RRP1: variants seen among roughly 807,000 people sequenced by gnomAD.
RRP1 encodes ribosomal RNA processing protein 1 homolog A.
In RRP1, 37 loss-of-function variants were observed where a neutral mutation model predicts 54.6. That is an observed-to-expected ratio of 0.68 (90% CI 0.52 to 0.89). The LOEUF is 0.89. RRP1 is among the 40% of genes least tolerant of loss of function. The pLI is 0.00. For missense variants in RRP1, 639 were observed against 612.5 expected (o/e 1.04, Z -0.46); for synonymous variants, 262 against 244.3 (o/e 1.07, Z -0.67).
chr21:43,801,603 G>T (rs773318701), intron 11 of RRP1, among the ~76,000 whole-genome samples: 4 of 152,150 alleles, frequency 2.6e-5, no homozygotes, highest in Non-Finnish European at 4.4e-5. Context: ...CCTCCCAGTC[G>T]CTGGGACCAC....
chr21:43,789,779 G>A lies in RRP1; in HGVS notation c.133+17G>A. Reference sequence around the variant, plus strand: ...GGGCCGCAGGTTGGCGGGGGTGTGGGCGGCTGGCGTCTCGGGGGCCGGCTG... The same window carrying A: ...GGGCCGCAGGTTGGCGGGGGTGTGGACGGCTGGCGTCTCGGGGGCCGGCTG... On this transcript the variant is annotated intron_variant, in intron 1 of 12. Transcript: ENST00000497547. 2.0e-6 allele frequency: 3 copies of A among 1,502,282 alleles called. No homozygotes were observed. The highest frequency in any genetic ancestry group is 2.7e-6 in the Non-Finnish European group (3 of 1,123,854). The allele number at this position is 1,502,282 out of a possible 1,614,324, so 93.1% of individuals were successfully genotyped here. A position where few individuals can be genotyped will look rare whatever the true frequency, so the allele number is the denominator to read the frequency against.
rs1314011702 is a variant in RRP1 at position 43,798,142 on chromosome 21, C to T, written c.811+42C>T. 9.1e-6 allele frequency: 14 copies of T among 1,530,794 alleles called. No homozygotes were observed. In the East Asian group the frequency reaches 3.3e-4, roughly 36 times the overall value. The allele number at this position is 1,530,794 out of a possible 1,614,324, so 94.8% of individuals were successfully genotyped here. ...GCCTGGCTTCTCCTCGGGGCCTGTC[C>T]TGGGCTGAGCCAGTGCGATCTCCTG... On this transcript the variant is annotated intron_variant, in intron 8 of 12. Transcript: ENST00000497547.
intron 12 of RRP1, 32 bp from the exon 13 acceptor site, chr21:43,803,480 C>T (rs777447771): frequency 6.6e-7 from 1 of 1,518,180 alleles, no homozygotes; most frequent in African/African-American, 1.4e-5. Context: ...TGTTGGCATT[C>T]TCTGGCTCAT....
chr21:43,791,348 A>T lies in RRP1; in HGVS notation c.134-2A>T. On this transcript the variant is annotated splice_acceptor_variant, in intron 1 of 12. Coordinates refer to ENST00000497547, the MANE Select transcript of RRP1 (RefSeq NM_003683.6). LOFTEE classifies it high-confidence loss of function. ...GGTCCAACCGTTGCTGTTTTGATGC[A>T]GGTGGTTTTACGCACGACGAGCTGC... is the stretch of plus-strand genomic sequence containing the variant. 1 of 1,613,786 alleles carries T rather than the reference A, an allele frequency of 6.2e-7. No homozygotes were observed. Among genetic ancestry groups the T allele is most frequent in the Non-Finnish European group, 8.5e-7 (1 of 1,179,770 alleles).
At chr21:43,792,574 A>G in intron 2 of RRP1, 98 bp from the exon 3 acceptor site, 1 of 1,103,446 alleles carries the variant, frequency 9.1e-7, no homozygotes. Context: ...CTCTGTGATG[A>G]GTGAGTGAGT....
intron 4 of RRP1, 145 bp downstream of exon 4, chr21:43,793,549 G>A: frequency 3.1e-6 from 2 of 651,972 alleles, no homozygotes; most frequent in Non-Finnish European, 5.4e-6. Flanking sequence ...CCGAGACTCT[G>A]GGCGGTCCCT....
At position 43,803,550 on chromosome 21, in the gene RRP1, A is replaced by G. The variant is rs1170851769; in HGVS notation, c.1162A>G (p.Arg388Gly). Residue 388 changes from arginine (R) to glycine (G), a missense_variant, in exon 13 of 13, where the codon AGG becomes GGG. Transcript: ENST00000497547. ...EKEPPSPGME[R>G]KRSRRRGVGA... The stretch of plus-strand genomic sequence containing the variant: ...GGAGCCCCCGAGCCCGGGCATGGAG[A>G]GGAAGAGGAGCAGGAGGAGGGGTGT... 1.9e-6 allele frequency: 3 copies of G among 1,557,028 alleles called. No individual in the cohort carries two copies. Among genetic ancestry groups the G allele is most frequent in the Non-Finnish European group, 2.6e-6 (3 of 1,150,288 alleles).
chr21:43,797,428 C>G lies in RRP1; in HGVS notation c.429C>G (p.Ile143Met), dbSNP rs187585477. The change falls in exon 6 of 13, where the codon ATC becomes ATG. Residue 143 changes from isoleucine to methionine, a missense_variant. By Grantham distance (10) the Ile-to-Met change is conservative. Transcript: ENST00000497547. Reference protein sequence around the residue: ...LKMQGWEERQIEELLELLMTE... With the variant: ...LKMQGWEERQMEELLELLMTE... ...TTGCTTTTTCTTTCCTCAGACAGATCGAGGAGCTGCTAGAGCTGCTGATGA... is the reference window on the plus strand; with the variant it reads ...TTGCTTTTTCTTTCCTCAGACAGATGGAGGAGCTGCTAGAGCTGCTGATGA... 1.2e-6 allele frequency: 2 copies of G among 1,611,016 alleles called. No individual in the cohort carries two copies. The highest frequency in any genetic ancestry group is 1.7e-5 in the Admixed American group (1 of 59,948).
rs1200752656 is a variant in RRP1, at chr21:43,791,402, C to A, written c.186C>A (p.Cys62Ter). ...LLKVWKGLFY[C>*]MWMQDKPLLQ... ...AGGTGTGGAAAGGACTGTTTTATTGCATGTGGATGCAGGACAAGCCACTCC... is the reference window on the plus strand; with the variant it reads ...AGGTGTGGAAAGGACTGTTTTATTGAATGTGGATGCAGGACAAGCCACTCC... The change falls in exon 2 of 13, where the codon TGC becomes TGA. Residue 62 changes from cysteine to a stop codon, truncating the protein, a stop_gained. Coordinates refer to ENST00000497547, the MANE Select transcript of RRP1 (RefSeq NM_003683.6). LOFTEE classifies it high-confidence loss of function. 6.2e-7 allele frequency: 1 copy of A among 1,613,964 alleles called. No individual in the cohort carries two copies.
chr21:43,802,846 G>T (rs565442099), intron 12 of RRP1, among the ~76,000 whole-genome samples: 5 of 152,370 alleles, frequency 3.3e-5, no homozygotes, highest in African/African-American at 1.2e-4. Context: ...GAGTGTGGTT[G>T]GCATGTGATG....
intron 1 of RRP1, 114 bp downstream of exon 1, chr21:43,789,876 C>T: frequency 1.6e-6 from 2 of 1,278,962 alleles, no homozygotes; most frequent in Non-Finnish European, 1.0e-6. Context: ...TCCACGTGGC[C>T]GGGCCGGGCA....
In RRP1 at chr21:43,804,128, C is replaced by T. The variant is rs752580521; in HGVS notation, c.*354C>T. On this transcript the variant is annotated 3_prime_UTR_variant, in exon 13 of 13. Transcript: ENST00000497547. The surrounding 1 kb of genome is among the most constrained non-coding windows in gnomAD (Gnocchi z 4.3). ...GAAGTGTCGCTTCAGGTGTGTCCTA[C>T]GGACGTGTGGGAGGTGGCAGGCGCC... The T allele has an allele frequency of 1.8e-4, 44 of 250,962 alleles. No individual in the cohort carries two copies. The highest frequency in any genetic ancestry group is 6.0e-4 in the African/African-American group (27 of 44,976). The allele number at this position is 250,962 out of a possible 1,614,324, so 15.5% of individuals were successfully genotyped here. A position where few individuals can be genotyped will look rare whatever the true frequency, so the allele number is the denominator to read the frequency against.
At chr21:43,791,206 G>A in intron 1 of RRP1, 144 bp from the exon 2 acceptor site, 1 of 811,352 alleles carries the variant, frequency 1.2e-6, no homozygotes, top group Non-Finnish European at 2.1e-6. Context: ...ATTGTTTGAA[G>A]GGGAGGGCCA....
chr21:43,804,060 T>C lies in RRP1; in HGVS notation c.*286T>C. On this transcript the variant is annotated 3_prime_UTR_variant, in exon 13 of 13. Coordinates refer to ENST00000497547, the MANE Select transcript of RRP1 (RefSeq NM_003683.6). This position sits in a 1 kb window ranked among gnomAD's most constrained non-coding sequence, Gnocchi z 4.3. ...GCAGCAGGACTGGCCGCCCCTGCTG[T>C]GGGGGGTTCAGAAAATAAAATGCCG... 1 of 395,188 alleles carries C rather than the reference T, an allele frequency of 2.5e-6. No individual in the cohort carries two copies. The highest frequency in any genetic ancestry group is 4.5e-6 in the Non-Finnish European group (1 of 223,654). The allele number at this position is 395,188 out of a possible 1,614,324, so 24.5% of individuals were successfully genotyped here. A position where few individuals can be genotyped will look rare whatever the true frequency, so the allele number is the denominator to read the frequency against.
chr21:43,798,428 C>T (rs1404880467), intron 8 of RRP1, among the ~76,000 whole-genome samples: 2 of 152,184 alleles, frequency 1.3e-5, no homozygotes, highest in East Asian at 1.9e-4. Context: ...CGTCTCTCCC[C>T]CCATCACTCT....
Position 43,804,055 on chromosome 21 carries a change from T to G in RRP1, c.*281T>G, listed in dbSNP as rs1394499284. On this transcript the variant is annotated 3_prime_UTR_variant, in exon 13 of 13. Transcript: ENST00000497547. The surrounding 1 kb of genome is among the most constrained non-coding windows in gnomAD (Gnocchi z 4.3). ...TGCCTGCAGCAGGACTGGCCGCCCC[T>G]GCTGTGGGGGGTTCAGAAAATAAAA... 4 of 406,168 alleles carry G rather than the reference T, an allele frequency of 9.8e-6. No homozygotes were observed. The highest frequency in any genetic ancestry group is 1.7e-5 in the Non-Finnish European group (4 of 229,686). The allele number at this position is 406,168 out of a possible 1,614,324, so 25.2% of individuals were successfully genotyped here.
At position 43,789,608 on chromosome 21, in the gene RRP1, G is replaced by A. The variant is rs371598902; in HGVS notation, c.-22G>A. 1 of 1,584,786 alleles carries A rather than the reference G, an allele frequency of 6.3e-7. No homozygotes were observed. Among genetic ancestry groups the A allele is most frequent in the Admixed American group, 1.8e-5 (1 of 57,012 alleles). On this transcript the variant is annotated 5_prime_UTR_variant, in exon 1 of 13. Coordinates refer to ENST00000497547, the MANE Select transcript of RRP1 (RefSeq NM_003683.6). ...CTGGGTACCAGGCGACTCCGGGACA[G>A]GGGGTCTCGGCCGTCGGCGTCATGG...
At chr21:43,799,702 C>A in intron 9 of RRP1, 53 bp downstream of exon 9, 1 of 1,529,492 alleles carries the variant, frequency 6.5e-7, no homozygotes, top group Non-Finnish European at 8.9e-7. Flanking sequence ...CTCTGTGCTA[C>A]CGCTTGCTCT....
At position 43,797,843 on chromosome 21, in the gene RRP1, G is replaced by A. The variant is rs934084170; in HGVS notation, c.618-64G>A. 1.2e-5 allele frequency: 19 copies of A among 1,575,092 alleles called. No homozygotes were observed. The African/African-American group carries it at 2.0e-4, about 17-fold the overall frequency. On this transcript the variant is annotated intron_variant, in intron 7 of 12. Transcript: ENST00000497547. ...GGTGGGGAGAGGTTGCAGGGGAGTC[G>A]GCGGCTTCCGCTTGGGAATCCAGCA...
Sources: allele counts gnomAD v4.1 joint callset (sites outside exome capture counted in the v4.1 genomes callset), GRCh38; gene constraint gnomAD v4.1.1; non-coding constraint Gnocchi (gnomAD v3.1); transcripts MANE v1.5; gene names NCBI Gene and HGNC (gene_info 2026-07-23, HGNC 2026-07-21).